Variants in SH2D6 observed in about 807,000 individuals in gnomAD.
The protein encoded by SH2D6 is SH2 domain containing 6.
SH2D6 carries 31 observed loss-of-function variants against 30.2 expected under a neutral mutation model. The observed-to-expected ratio is 1.03, with a 90% CI of 0.77 to 1.38. The LOEUF (loss-of-function observed/expected upper bound fraction) is 1.38, where lower values mean the gene tolerates loss of function less well. Among genes scored for constraint, SH2D6 ranks in the 40% most tolerant of loss-of-function variants. The probability of loss-of-function intolerance (pLI) is 0.00; values close to 1 mark genes in which losing one functional copy is unlikely to be tolerated. For missense variants in SH2D6, 240 were observed against 266.8 expected (o/e 0.90, Z 0.70); for synonymous variants, 93 against 104.6 (o/e 0.89, Z 0.68).
intron 14 of SH2D6, among the ~76,000 whole-genome samples, chr2:85,432,462 C>G (rs1268432118): frequency 6.6e-6 from 1 of 151,362 alleles, no homozygotes; most frequent in Admixed American, 6.6e-5. Flanking sequence ...TGCAGTGGCG[C>G]AATCTCGGCT....
intron 5 of SH2D6, among the ~76,000 whole-genome samples, chr2:85,423,433 A>T (rs1687825578): frequency 6.6e-6 from 1 of 151,908 alleles, no homozygotes; most frequent in South Asian, 2.1e-4. Context: ...GGGTTTTACC[A>T]TGTTGGCCAG....
chr2:85,432,991 C>T (rs1293114058), intron 14 of SH2D6, 108 bp from the exon 15 acceptor site: 37 of 927,380 alleles, frequency 4.0e-5, no homozygotes, highest in Non-Finnish European at 4.8e-5. Context: ...CTGAGATGTC[C>T]TCCTCGGAGG....
At position 85,419,395 on chromosome 2, in the gene SH2D6, G is replaced by T. The variant is rs1207699985; in HGVS notation, c.-577+151G>T. 1.4e-4 allele frequency among the ~76,000 whole-genome samples: 21 copies of T among 152,228 alleles called. No homozygotes were observed. In the South Asian group the frequency reaches 3.1e-3, roughly 22 times the overall value. ...CCCAAGGAGCTTCTGAGGCGCTACA[G>T]AAGGGACTTACCCAGACCCTTCAGT... On this transcript the variant is annotated intron_variant, in intron 2 of 23. Transcript: ENST00000469800.
Position 85,435,078 on chromosome 2 carries a change from G to A in SH2D6, c.603G>A (p.Ser201=), listed in dbSNP as rs377764882. 258 of 1,398,720 alleles carry A rather than the reference G, an allele frequency of 1.8e-4. No homozygotes were observed. Among genetic ancestry groups the A allele is most frequent in the Non-Finnish European group, 2.2e-4 (232 of 1,051,348 alleles). 86.6% of individuals were successfully genotyped at this position (1,398,720 alleles called of 1,614,324 possible). A position where few individuals can be genotyped will look rare whatever the true frequency, so the allele number is the denominator to read the frequency against. The change falls in exon 20 of 24, where the codon TCG becomes TCA. Residue 201 remains serine (S), a synonymous_variant. Coordinates refer to ENST00000469800, the MANE Select transcript of SH2D6 (RefSeq NM_001394463.1). ...TGCTTCTTCTAGAAGGAAGGAAATC[G>A]TCTCTTCCCTCTGTAGCCCCCACTG... ...ADAASKEGRK[S]SLPSVAPTGS...
chr2:85,423,907 G>A (rs1314935097), intron 5 of SH2D6, among the ~76,000 whole-genome samples: 1 of 152,212 alleles, frequency 6.6e-6, no homozygotes, highest in Non-Finnish European at 1.5e-5. Flanking sequence ...GTTGGCTGTA[G>A]GCCCTTCCAC....
rs752259444 is a variant in SH2D6 at position 85,435,822 on chromosome 2, G to A, written c.889G>A (p.Glu297Lys). ...GGGCCGGGAGGGCAGGAACCGTGAG[G>A]AGGTGGGAGCTGGAGGAGGCAGGGG... ...ALGREGRNREELFSSVAAMVQ... is the reference protein window; with the variant it reads ...ALGREGRNREKLFSSVAAMVQ... The change falls in exon 22 of 24, where the codon GAG (glutamate) becomes AAG (lysine). Residue 297 changes from glutamate (E) to lysine (K), a missense_variant and splice_region_variant. Coordinates refer to ENST00000469800, the MANE Select transcript of SH2D6 (RefSeq NM_001394463.1). The A allele has an allele frequency of 1.2e-5, 19 of 1,587,650 alleles. No homozygotes were observed. The East Asian group carries it at 4.3e-4, about 36-fold the overall frequency.
Position 85,430,039 on chromosome 2 carries a change from G to A in SH2D6, c.64+24G>A, listed in dbSNP as rs919768955. On this transcript the variant is annotated intron_variant, in intron 10 of 23. Coordinates refer to ENST00000469800, the MANE Select transcript of SH2D6 (RefSeq NM_001394463.1). The surrounding 1 kb of genome is among the most constrained non-coding windows in gnomAD (Gnocchi z 4.3). ...GGGTAAGTGACACAGGGGGTCAGAG[G>A]GGCCCAACAGACTGGGATCCCTTGC... The A allele has an allele frequency of 2.0e-5, 3 of 152,588 alleles. No homozygotes were observed. The highest frequency in any genetic ancestry group is 7.2e-5 in the African/African-American group (3 of 41,422). 9.5% of individuals were successfully genotyped at this position (152,588 alleles called of 1,614,324 possible).
intron 2 of SH2D6, among the ~76,000 whole-genome samples, chr2:85,421,038 C>G (rs1197846206): frequency 6.6e-6 from 1 of 152,238 alleles, no homozygotes; most frequent in Admixed American, 6.5e-5. Context: ...GGGTTGGAGA[C>G]GTCGGGGAGC....
chr2:85,433,205 C>T (rs891147324), intron 15 of SH2D6, 84 bp downstream of exon 15: 2 of 890,884 alleles, frequency 2.2e-6, no homozygotes, highest in African/African-American at 3.6e-5. Context: ...TAGGGAGGGC[C>T]AGGAAATATC....
In SH2D6 at chr2:85,435,727, C is replaced by T. The variant is rs1689373792; in HGVS notation, c.794C>T (p.Ala265Val). 1.9e-6 allele frequency: 3 copies of T among 1,613,186 alleles called. No homozygotes were observed. In the East Asian group the frequency reaches 6.7e-5, roughly 36 times the overall value. Residue 265 changes from alanine to valine, a missense_variant, in exon 22 of 24, where the codon GCA becomes GTA. By Grantham distance (64) the Ala-to-Val change is moderately conservative (BLOSUM62 0). Coordinates refer to ENST00000469800, the MANE Select transcript of SH2D6 (RefSeq NM_001394463.1). ...CATGGCTCCCAGCCCTTCACCCTGG[C>T]AGTGCTTCTCCGAGGCCGGGTCTTC... ...GPHGSQPFTL[A>V]VLLRGRVFNI...
chr2:85,431,739 G>A (rs56228924), intron 13 of SH2D6, among the ~76,000 whole-genome samples, 160 bp from the exon 14 acceptor site: 51,695 of 152,122 alleles, frequency 0.34, 9,708 homozygotes, highest in Non-Finnish European at 0.43. Context: ...GCGATTCACA[G>A]CAAAGAAAGA....
Position 85,436,550 on chromosome 2 carries a change from C to T in SH2D6, c.976C>T (p.Leu326Phe). Reference sequence around the variant, plus strand: ...GGACAGACACAGCGGCAGCCGGGAACTCACCTGCCTGCTCTTCCCCACCAA... The same window carrying T: ...GGACAGACACAGCGGCAGCCGGGAATTCACCTGCCTGCTCTTCCCCACCAA... ...LVDRHSGSRE[L>F]TCLLFPTKP The change falls in exon 23 of 24, where the codon CTC becomes TTC. Residue 326 changes from leucine to phenylalanine, a missense_variant. Leu to Phe is a conservative substitution (Grantham distance 22, BLOSUM62 0). Coordinates refer to ENST00000469800, the MANE Select transcript of SH2D6 (RefSeq NM_001394463.1). 1 of 1,613,752 alleles carries T rather than the reference C, an allele frequency of 6.2e-7. No homozygotes were observed. Among genetic ancestry groups the T allele is most frequent in the Non-Finnish European group, 8.5e-7 (1 of 1,180,006 alleles).
Position 85,436,468 on chromosome 2 carries a change from C to T in SH2D6, c.894C>T (p.Leu298=). 6.8e-6 allele frequency: 11 copies of T among 1,613,576 alleles called. No homozygotes were observed. The highest frequency in any genetic ancestry group is 9.3e-6 in the Non-Finnish European group (11 of 1,179,840). The change falls in exon 23 of 24, where the codon CTC becomes CTT. Residue 298 remains leucine, a splice_region_variant and synonymous_variant. Transcript: ENST00000469800. ...GGATGCCCTGCCTCCCTGGCCAGCT[C>T]TTCTCCTCCGTGGCGGCCATGGTCC... ...LGREGRNREE[L]FSSVAAMVQH... is the part of the protein sequence containing the mutation.
At position 85,434,546 on chromosome 2, in the gene SH2D6, C is replaced by T. The variant is rs1457402126; in HGVS notation, c.589+49C>T. On this transcript the variant is annotated intron_variant, in intron 19 of 23. Coordinates refer to ENST00000469800, the MANE Select transcript of SH2D6 (RefSeq NM_001394463.1). Reference sequence around the variant, plus strand: ...TAGTGAGTTATCCCAACTGATTGTTCACAGTCAGTTACAGATCAAACTCCT... The same window carrying T: ...TAGTGAGTTATCCCAACTGATTGTTTACAGTCAGTTACAGATCAAACTCCT... 2.0e-6 allele frequency: 3 copies of T among 1,537,992 alleles called. No homozygotes were observed. The East Asian group carries it at 7.4e-5, about 38-fold the overall frequency.
intron 16 of SH2D6, 26 bp downstream of exon 16, chr2:85,433,657 CCCT>C (rs1689034192): frequency 1.9e-6 from 2 of 1,044,812 alleles, no homozygotes; most frequent in Non-Finnish European, 2.3e-6. Context: ...AGCTCCAGAC[CCCT>C]CCTGCCCGAG....
At chr2:85,435,040 C>CCCCCCCCA in intron 19 of SH2D6, 25 bp from the exon 20 acceptor site, 1 of 1,578,102 alleles carries the variant, frequency 6.3e-7, no homozygotes, top group South Asian at 1.1e-5. Context: ...CACCCCACCC[C>CCCCCCCCA]AGCTCAATAA....
intron 19 of SH2D6, 86 bp from the exon 20 acceptor site, chr2:85,434,979 A>AC: frequency 3.3e-6 from 4 of 1,221,138 alleles, no homozygotes; most frequent in Non-Finnish European, 2.1e-6. Flanking sequence ...CCTACCCCCC[A>AC]CCCCCGCAGC....
intron 5 of SH2D6, 126 bp downstream of exon 5, chr2:85,422,816 A>G (rs1342426003): frequency 4.6e-5 from 7 of 152,384 alleles, no homozygotes; most frequent in Non-Finnish European, 8.8e-5. Context: ...TAACCCTAGG[A>G]GAACCTGAGA....
Position 85,436,852 on chromosome 2 carries a change from C to T in SH2D6, c.*28C>T. ...TGGCCTCCAGGAATGCAGGTGTCTG[C>T]CCAGTTCACTAGGTCCTGGATGAAG... On this transcript the variant is annotated 3_prime_UTR_variant, in exon 24 of 24. Coordinates refer to ENST00000469800, the MANE Select transcript of SH2D6 (RefSeq NM_001394463.1). 1 of 437,956 alleles carries T rather than the reference C, an allele frequency of 2.3e-6. No individual in the cohort carries two copies. 27.1% of individuals were successfully genotyped at this position (437,956 alleles called of 1,614,324 possible).
Sources: gnomAD v4.1 joint callset for allele counts (sites outside exome capture counted in the v4.1 genomes callset) on GRCh38, gnomAD v4.1.1 for gene constraint, Gnocchi (gnomAD v3.1) non-coding constraint, MANE v1.5 for transcripts, NCBI Gene and HGNC (gene_info 2026-07-23, HGNC 2026-07-21) for gene names.